The following ADCY2 variants were observed in gnomAD, a reference collection of about 807,000 sequenced individuals.
The protein encoded by ADCY2 is adenylate cyclase type 2.
A neutral mutation model predicts 125.2 loss-of-function variants in ADCY2; 31 were observed. The observed-to-expected ratio is 0.25, with a 90% CI of 0.19 to 0.33. The LOEUF is 0.33. Ranked by LOEUF, ADCY2 falls within the 10% of genes least tolerant of loss-of-function variation. ADCY2 has a pLI of 1.00. For missense variants in ADCY2, 904 were observed against 1,418.2 expected (o/e 0.64, Z 5.82); for synonymous variants, 512 against 548.4 (o/e 0.93, Z 0.93).
At chr5:7,499,068 T>C (rs140360015) in intron 2 of ADCY2, among the ~76,000 whole-genome samples, 3,770 of 152,258 alleles carry the variant, frequency 0.025, 176 homozygotes, top group African/African-American at 0.087. Context: ...AGTGCAGTGG[T>C]GCCATCTCAG....
At chr5:7,501,986 G>A (rs755368669) in intron 2 of ADCY2, among the ~76,000 whole-genome samples, 4 of 152,096 alleles carry the variant, frequency 2.6e-5, no homozygotes, top group Non-Finnish European at 4.4e-5. Flanking sequence ...ATCAATGGGA[G>A]ACTTTCAACA....
intron 3 of ADCY2, among the ~76,000 whole-genome samples, chr5:7,612,776 G>A (rs559389355): frequency 1.3e-5 from 2 of 152,260 alleles, no homozygotes; most frequent in East Asian, 3.9e-4. Flanking sequence ...CAGCACTTTG[G>A]GAGGCCGAGG....
intron 3 of ADCY2, among the ~76,000 whole-genome samples, chr5:7,616,946 G>A (rs967427122): frequency 6.6e-6 from 1 of 152,084 alleles, no homozygotes; most frequent in African/African-American, 2.4e-5. Flanking sequence ...ACAGAGAAGA[G>A]ACCCTGTGAG....
intron 4 of ADCY2, among the ~76,000 whole-genome samples, chr5:7,646,722 T>C (rs538675231): frequency 2.2e-4 from 33 of 152,308 alleles, no homozygotes; most frequent in Non-Finnish European, 4.1e-4. Flanking sequence ...GCATTGTTGG[T>C]ATTTGTGTTT....
intron 8 of ADCY2, among the ~76,000 whole-genome samples, chr5:7,707,188 G>A (rs1300489827): frequency 1.3e-5 from 2 of 152,154 alleles, no homozygotes; most frequent in Non-Finnish European, 2.9e-5. Context: ...ATTTAAAGAT[G>A]TTTTACAAAA....
chr5:7,445,669 C>T (rs1216751714), intron 2 of ADCY2, among the ~76,000 whole-genome samples: 1 of 152,200 alleles, frequency 6.6e-6, no homozygotes, highest in Non-Finnish European at 1.5e-5. Flanking sequence ...CTAAGTTCCT[C>T]ATACAGGTTT....
intron 4 of ADCY2, among the ~76,000 whole-genome samples, chr5:7,671,139 G>A (rs959256871): frequency 2.6e-5 from 4 of 152,166 alleles, no homozygotes; most frequent in Non-Finnish European, 5.9e-5. Context: ...GCATGCCTAT[G>A]TGTATTTTAA....
chr5:7,416,336 T>G (rs1739943513), intron 2 of ADCY2, among the ~76,000 whole-genome samples: 1 of 152,082 alleles, frequency 6.6e-6, no homozygotes, highest in Non-Finnish European at 1.5e-5. Context: ...CACCTCTCCT[T>G]TATCACTCTC....
intron 19 of ADCY2, 100 bp from the exon 20 acceptor site, chr5:7,789,542 T>G: frequency 8.0e-7 from 1 of 1,254,612 alleles, no homozygotes; most frequent in African/African-American, 1.5e-5. Flanking sequence ...GGTTCTTTTT[T>G]CGGTTTCATT....
At chr5:7,781,699 C>T (rs931443597) in intron 18 of ADCY2, among the ~76,000 whole-genome samples, 3 of 152,190 alleles carry the variant, frequency 2.0e-5, no homozygotes, top group Non-Finnish European at 2.9e-5. Context: ...TATGCTACCT[C>T]GTTATAGCAA....
chr5:7,752,817 T>C (rs1255094358), intron 15 of ADCY2, among the ~76,000 whole-genome samples: 2 of 151,902 alleles, frequency 1.3e-5, no homozygotes, highest in East Asian at 1.9e-4. Context: ...ATTAAGAACA[T>C]TGGGATTCAT....
intron 3 of ADCY2, among the ~76,000 whole-genome samples, chr5:7,587,011 G>T (rs527866044): frequency 2.6e-4 from 39 of 152,252 alleles, no homozygotes; most frequent in African/African-American, 8.4e-4. Context: ...CATAGATATA[G>T]GTGATATAGA....
intron 3 of ADCY2, among the ~76,000 whole-genome samples, chr5:7,522,180 G>A (rs142801138): frequency 0.013 from 2,035 of 152,258 alleles, 31 homozygotes; most frequent in Non-Finnish European, 0.019. Flanking sequence ...ATGTATTCAA[G>A]GTGTGCAACA....
rs1461544198 is a variant in ADCY2, at chr5:7,713,014, CT to C, written c.1622+116del. On this transcript the variant is annotated intron_variant, in intron 11 of 24. Coordinates refer to ENST00000338316, the MANE Select transcript of ADCY2 (RefSeq NM_020546.3). ...GCTACTTCTGAAAGAGCAGCTCCCC[CT>C]GAAAAGCCCTATTAAATTGCTTTCA... 6 of 711,046 alleles carry C rather than the reference CT, an allele frequency of 8.4e-6. No individual in the cohort carries two copies. The African/African-American group carries it at 1.1e-4, about 13-fold the overall frequency. 44.0% of individuals were successfully genotyped at this position (711,046 alleles called of 1,614,324 possible). A position where few individuals can be genotyped will look rare whatever the true frequency, so the allele number is the denominator to read the frequency against.
chr5:7,563,979 T>A (rs1735810853), intron 3 of ADCY2, among the ~76,000 whole-genome samples: 1 of 152,224 alleles, frequency 6.6e-6, no homozygotes, highest in Non-Finnish European at 1.5e-5. Context: ...CATATGGAAA[T>A]TGCACATTTA....
At chr5:7,724,735 C>A in intron 13 of ADCY2, 121 bp downstream of exon 13, 1 of 703,440 alleles carries the variant, frequency 1.4e-6, no homozygotes. Flanking sequence ...TATTCGAACT[C>A]TTTCTGGCTT....
intron 2 of ADCY2, among the ~76,000 whole-genome samples, chr5:7,424,461 G>C (rs1490782): frequency 0.24 from 36,011 of 152,262 alleles, 5,105 homozygotes; most frequent in Non-Finnish European, 0.32. Flanking sequence ...GGAATGTCCA[G>C]ATGCCCACTG....
chr5:7,628,128 C>A (rs16878851), intron 4 of ADCY2, among the ~76,000 whole-genome samples: 8,607 of 152,084 alleles, frequency 0.057, 799 homozygotes, highest in African/African-American at 0.19. Flanking sequence ...GACAAGGAGC[C>A]CTTAGCACTC....
At chr5:7,455,556 T>C (rs1741636733) in intron 2 of ADCY2, among the ~76,000 whole-genome samples, 1 of 150,664 alleles carries the variant, frequency 6.6e-6, no homozygotes, top group South Asian at 2.1e-4. Flanking sequence ...ATAAAACATG[T>C]AGGAATATAA....
Sources: allele counts gnomAD v4.1 joint callset (sites outside exome capture counted in the v4.1 genomes callset), GRCh38; gene constraint gnomAD v4.1.1; transcripts MANE v1.5; gene names NCBI Gene and HGNC (gene_info 2026-07-23, HGNC 2026-07-21).